The following RIN2 variants were observed in gnomAD, a reference collection of about 807,000 sequenced individuals.
RIN2 encodes Ras and Rab interactor 2, also known as RAB5 interacting protein 2.
A neutral mutation model predicts 78.0 loss-of-function variants in RIN2; 36 were observed. The ratio of observed to expected loss-of-function variants is 0.46; its 90% confidence interval spans 0.35 to 0.61. RIN2 has a LOEUF of 0.61. Among genes scored for constraint, RIN2 ranks in the 20% least tolerant of loss-of-function variants. The probability of loss-of-function intolerance (pLI) is 0.00; values close to 1 mark genes in which losing one functional copy is unlikely to be tolerated. For synonymous variants in RIN2, 466 were observed against 466.8 expected (o/e 1.00, Z 0.02); for missense variants, 1,087 against 1,159.7 (o/e 0.94, Z 0.91).
intron 1 of RIN2, among the ~76,000 whole-genome samples, chr20:19,787,297 G>C (rs1964851): frequency 0.41 from 62,146 of 151,504 alleles, 16,059 homozygotes; most frequent in African/African-American, 0.74. Flanking sequence ...GTGGCGTGCA[G>C]CTGTAATCCT....
rs1343431945 is a variant in RIN2 at position 19,964,976 on chromosome 20, T to A, written c.488T>A (p.Ile163Asn). Residue 163 changes from isoleucine (I) to asparagine (N), a missense_variant, in exon 7 of 13, where the codon ATC becomes AAC. Physicochemically the swap from Ile to Asn is moderately radical, Grantham distance 149. Coordinates refer to ENST00000255006, the MANE Select transcript of RIN2 (RefSeq NM_018993.4). The part of the protein sequence containing the change: ...TYTFSLEGSG[I>N]SFADLFRLIA... ...GCCTTTTCCCTGGAAGGCTCAGGAA[T>A]CAGTTTCGCAGATTTATTCCGGCTC... The A allele has an allele frequency of 6.2e-7, 1 of 1,613,544 alleles. No individual in the cohort carries two copies. The highest frequency in any genetic ancestry group is 1.3e-5 in the African/African-American group (1 of 74,906).
chr20:19,886,812 A>T, intron 2 of RIN2: 1 of 1,350,156 alleles, frequency 7.4e-7, no homozygotes, highest in Non-Finnish European at 1.0e-6. Context: ...CTAGCCTGTT[A>T]CTGGGATGGT....
intron 12 of RIN2, among the ~76,000 whole-genome samples, chr20:19,998,718 A>G (rs1040774264): frequency 6.6e-6 from 1 of 152,168 alleles, no homozygotes; most frequent in South Asian, 2.1e-4. Flanking sequence ...GCATAAACCT[A>G]AAGAGTGAGA....
rs1056970752 is a variant in RIN2, at chr20:19,975,418, G to A, written c.1393G>A (p.Glu465Lys). Residue 465 changes from glutamate to lysine, a missense_variant, in exon 9 of 13, where the codon GAG (glutamate) becomes AAG (lysine). Glu to Lys is a moderately conservative substitution (Grantham distance 56). Around this residue, in one of 8 missense-constraint regions of RIN2, gnomAD observed 706 missense variants for 667.5 expected, o/e 1.06. Coordinates refer to ENST00000255006, the MANE Select transcript of RIN2 (RefSeq NM_018993.4). The surrounding 1 kb of genome is among the most constrained non-coding windows in gnomAD (Gnocchi z 4.9). ...CACCAACAGCAGCCTGGAGGACTACGAGGGGGAAAGTGACCAAGAGACCAT... is the reference window on the plus strand; with the variant it reads ...CACCAACAGCAGCCTGGAGGACTACAAGGGGGAAAGTGACCAAGAGACCAT... Reference protein sequence around the residue: ...ADTNSSLEDYEGESDQETMAP... With the variant: ...ADTNSSLEDYKGESDQETMAP... The A allele has an allele frequency of 3.1e-6, 5 of 1,614,064 alleles. No homozygotes were observed. The highest frequency in any genetic ancestry group is 2.2e-5 in the South Asian group (2 of 91,090).
At chr20:19,941,714 T>G (rs1022587422) in intron 4 of RIN2, among the ~76,000 whole-genome samples, 7 of 152,186 alleles carry the variant, frequency 4.6e-5, no homozygotes, top group African/African-American at 1.7e-4. Flanking sequence ...TTTCCATATT[T>G]CAACTCAACC....
intron 2 of RIN2, among the ~76,000 whole-genome samples, chr20:19,858,124 T>TAA (rs112520164): frequency 1.2e-4 from 15 of 128,010 alleles, no homozygotes; most frequent in South Asian, 7.4e-4. Context: ...CTGTCTTTTT[T>TAA]TAAAAAAAAA....
chr20:19,992,910 T>C (rs1485830755), intron 11 of RIN2, among the ~76,000 whole-genome samples: 1 of 152,202 alleles, frequency 6.6e-6, no homozygotes, highest in East Asian at 1.9e-4. Flanking sequence ...ATTAATTTTT[T>C]TCCAGTTTTT....
At chr20:19,763,102 TG>T (rs1568729612) in intron 1 of RIN2, among the ~76,000 whole-genome samples, 1 of 152,142 alleles carries the variant, frequency 6.6e-6, no homozygotes, top group African/African-American at 2.4e-5. Context: ...TTAAAAGTCC[TG>T]GCCAGGTGCA....
chr20:19,785,033 G>A (rs931473222), intron 1 of RIN2, among the ~76,000 whole-genome samples: 2 of 152,100 alleles, frequency 1.3e-5, no homozygotes, highest in Non-Finnish European at 2.9e-5. Flanking sequence ...TCCAGAGTAA[G>A]CACAATAAAG....
intron 2 of RIN2, among the ~76,000 whole-genome samples, chr20:19,827,298 T>G (rs2036122778): frequency 6.6e-6 from 1 of 152,166 alleles, no homozygotes. Context: ...TCTAGTCTAA[T>G]AGCCCTGCGA....
At chr20:19,780,114 C>G (rs2034449804) in intron 1 of RIN2, among the ~76,000 whole-genome samples, 1 of 152,318 alleles carries the variant, frequency 6.6e-6, no homozygotes, top group East Asian at 1.9e-4. Flanking sequence ...ATTGACTCAG[C>G]TCTTGGTCCA....
At chr20:19,913,995 A>G (rs533218480) in intron 3 of RIN2, among the ~76,000 whole-genome samples, 3 of 152,354 alleles carry the variant, frequency 2.0e-5, no homozygotes, top group Admixed American at 2.0e-4. Context: ...AGGCATATGC[A>G]CACGTGCGTT....
At position 19,956,797 on chromosome 20, in the gene RIN2, A is replaced by C; in HGVS notation, c.341A>C (p.Gln114Pro). The change falls in exon 5 of 13, where the codon CAG becomes CCG. Residue 114 changes from glutamine to proline, a missense_variant. Transcript: ENST00000255006. ...EEEAAEVLQA[Q>P]PPGIFLVHKS... The stretch of plus-strand genomic sequence containing the variant: ...GAGGCAGCAGAGGTCCTGCAGGCCC[A>C]GCCTCCGGGGGTAAGACTCAGAACC... 6.3e-7 allele frequency: 1 copy of C among 1,583,710 alleles called. No homozygotes were observed. The highest frequency in any genetic ancestry group is 1.3e-5 in the African/African-American group (1 of 74,512).
intron 2 of RIN2, among the ~76,000 whole-genome samples, chr20:19,879,796 G>A (rs1363610703): frequency 6.6e-6 from 1 of 150,990 alleles, no homozygotes; most frequent in African/African-American, 2.5e-5. Flanking sequence ...AACATGATTG[G>A]CTAGTGGACT....
intron 4 of RIN2, among the ~76,000 whole-genome samples, chr20:19,946,713 CAA>C (rs74180972): frequency 7.2e-4 from 56 of 77,978 alleles, no homozygotes; most frequent in Middle Eastern, 0.011. Flanking sequence ...GATTCTATCT[CAA>C]AAAAAAAAAA....
chr20:19,838,309 G>T (rs1476258331), intron 2 of RIN2, among the ~76,000 whole-genome samples: 1 of 151,970 alleles, frequency 6.6e-6, no homozygotes, highest in Non-Finnish European at 1.5e-5. Flanking sequence ...ACCCAATCAA[G>T]TTTAAGAGTG....
intron 2 of RIN2, among the ~76,000 whole-genome samples, chr20:19,857,361 A>T (rs550170305): frequency 6.6e-6 from 1 of 152,082 alleles, no homozygotes; most frequent in Non-Finnish European, 1.5e-5. Flanking sequence ...AATACAATGG[A>T]TTCATTGTAT....
chr20:19,798,014 G>A (rs1380872713), intron 1 of RIN2, among the ~76,000 whole-genome samples: 1 of 151,910 alleles, frequency 6.6e-6, no homozygotes, highest in Non-Finnish European at 1.5e-5. Context: ...ACCACGCCCG[G>A]CTAATTTTTT....
intron 3 of RIN2, among the ~76,000 whole-genome samples, chr20:19,897,716 CTT>C (rs954169682): frequency 5.6e-5 from 8 of 143,938 alleles, no homozygotes; most frequent in Non-Finnish European, 1.1e-4. Context: ...CTGTTGGCTT[CTT>C]TTTTTTTTTT....
Sources: gnomAD v4.1 joint callset for allele counts (sites outside exome capture counted in the v4.1 genomes callset) on GRCh38, gnomAD v4.1.1 for gene constraint, gnomAD v4.1.1 regional missense constraint, Gnocchi (gnomAD v3.1) non-coding constraint, MANE v1.5 for transcripts, NCBI Gene and HGNC (gene_info 2026-07-23, HGNC 2026-07-21) for gene names.